FAM174A: variants seen among roughly 807,000 people sequenced by gnomAD.
FAM174A encodes family with sequence similarity 174 member A.
In FAM174A, 14 loss-of-function variants were observed where a neutral mutation model predicts 14.3. That is an observed-to-expected ratio of 0.98 (90% confidence interval 0.65 to 1.53). The LOEUF is 1.53. Ranked by LOEUF, FAM174A falls within the 40% of genes most tolerant of loss-of-function variation. The probability of loss-of-function intolerance (pLI) is 0.00; values close to 1 mark genes in which losing one functional copy is unlikely to be tolerated. For synonymous variants in FAM174A, 108 were observed against 111.4 expected (o/e 0.97, Z 0.19); for missense variants, 241 against 249.6 (o/e 0.97, Z 0.23).
At chr5:100,560,124 T>G (rs1455809332) in intron 1 of FAM174A, among the ~76,000 whole-genome samples, 1 of 152,120 alleles carries the variant, frequency 6.6e-6, no homozygotes, top group African/African-American at 2.4e-5. Context: ...AGATGGGGTT[T>G]TGGTGTGGAT....
intron 2 of FAM174A, among the ~76,000 whole-genome samples, chr5:100,580,689 C>G (rs1456801400): frequency 2.6e-5 from 4 of 152,198 alleles, no homozygotes; most frequent in Admixed American, 6.5e-5. Flanking sequence ...CAGACATACC[C>G]AGGATCAATA....
intron 1 of FAM174A, among the ~76,000 whole-genome samples, chr5:100,544,380 T>C (rs1746124462): frequency 6.7e-6 from 1 of 150,286 alleles, no homozygotes; most frequent in Non-Finnish European, 1.5e-5. Flanking sequence ...GCATTTGTAC[T>C]CCTGCATCCT....
intron 2 of FAM174A, among the ~76,000 whole-genome samples, chr5:100,566,143 T>TTG (rs1382077613): frequency 3.0e-5 from 3 of 98,512 alleles, no homozygotes; most frequent in African/African-American, 1.4e-4. Flanking sequence ...AAAAGTATGA[T>TTG]ATATATATAT....
chr5:100,581,916 G>A (rs1222355875), intron 2 of FAM174A, among the ~76,000 whole-genome samples: 2 of 152,094 alleles, frequency 1.3e-5, no homozygotes, highest in Non-Finnish European at 2.9e-5. Context: ...TATGTTTTGA[G>A]GTTAATTACG....
chr5:100,538,955 T>A (rs1025505121), intron 1 of FAM174A, among the ~76,000 whole-genome samples: 5 of 152,188 alleles, frequency 3.3e-5, no homozygotes, highest in Admixed American at 3.3e-4. Context: ...CATAGCTGAA[T>A]AATGATTCTT....
At chr5:100,583,491 GCTT>G (rs1006754883) in intron 2 of FAM174A, among the ~76,000 whole-genome samples, 29 of 152,260 alleles carry the variant, frequency 1.9e-4, no homozygotes, top group African/African-American at 6.3e-4. Context: ...TTCTGGTACA[GCTT>G]CTTCTACATC....
Position 100,535,966 on chromosome 5 carries a change from T to G in FAM174A, c.434+2T>G. ...GTACTTCGTGGTCAGGACGGTCAGG[T>G]GAGGCAAAGCCTCGGTGGGGCACCC... On this transcript the variant is annotated splice_donor_variant, in intron 1 of 2. Coordinates refer to ENST00000312637, the MANE Select transcript of FAM174A (RefSeq NM_198507.3). LOFTEE classifies it high-confidence loss of function. 6.4e-7 allele frequency: 1 copy of G among 1,568,054 alleles called. No individual in the cohort carries two copies. The highest frequency in any genetic ancestry group is 8.7e-7 in the Non-Finnish European group (1 of 1,151,640).
intron 2 of FAM174A, among the ~76,000 whole-genome samples, chr5:100,575,582 T>C (rs1746886232): frequency 6.6e-6 from 1 of 152,088 alleles, no homozygotes; most frequent in African/African-American, 2.4e-5. Flanking sequence ...ATAAAAACCC[T>C]AGAAGAAAAC....
chr5:100,544,351 C>A (rs573820912), intron 1 of FAM174A, among the ~76,000 whole-genome samples: 1 of 149,860 alleles, frequency 6.7e-6, no homozygotes, highest in East Asian at 1.9e-4. Context: ...CAAGGTCATA[C>A]CCCTGCATTT....
At chr5:100,546,423 T>G (rs1459659732) in intron 1 of FAM174A, among the ~76,000 whole-genome samples, 1 of 152,144 alleles carries the variant, frequency 6.6e-6, no homozygotes, top group African/African-American at 2.4e-5. Context: ...TGATGAACAC[T>G]AATAATATCT....
chr5:100,585,623 A>C (rs1747112880), intron 2 of FAM174A, among the ~76,000 whole-genome samples: 1 of 152,132 alleles, frequency 6.6e-6, no homozygotes, highest in Admixed American at 6.6e-5. Context: ...CATGTTGGCC[A>C]GGCTGGTGTT....
chr5:100,567,513 G>A (rs558945214), intron 2 of FAM174A, among the ~76,000 whole-genome samples: 16 of 151,622 alleles, frequency 1.1e-4, no homozygotes, highest in African/African-American at 1.9e-4. Flanking sequence ...ATATTCATGC[G>A]TTACTTTTTT....
intron 2 of FAM174A, among the ~76,000 whole-genome samples, chr5:100,584,563 A>G (rs1249956008): frequency 1.3e-5 from 2 of 152,066 alleles, no homozygotes; most frequent in African/African-American, 2.4e-5. Flanking sequence ...CCAGCTTTAG[A>G]TCTTCCACCT....
intron 2 of FAM174A, among the ~76,000 whole-genome samples, chr5:100,571,137 CATATATATGTGTGTGTAT>C: frequency 7.3e-6 from 1 of 137,700 alleles, no homozygotes; most frequent in Non-Finnish European, 1.6e-5. Context: ...TGTACATATA[CATATATATGTGTGTGTAT>C]ATATATATGT....
At chr5:100,555,071 C>T (rs1309027804) in intron 1 of FAM174A, among the ~76,000 whole-genome samples, 1 of 151,890 alleles carries the variant, frequency 6.6e-6, no homozygotes, top group African/African-American at 2.4e-5. Flanking sequence ...AATGCTATCC[C>T]TCCCCCCTAC....
At chr5:100,540,872 G>T (rs1746035187) in intron 1 of FAM174A, among the ~76,000 whole-genome samples, 1 of 152,160 alleles carries the variant, frequency 6.6e-6, no homozygotes. Flanking sequence ...CTCATGTAAT[G>T]CCACATATAG....
At position 100,572,386 on chromosome 5, in the gene FAM174A, T is replaced by G. The variant is rs1288578393; in HGVS notation, c.569+10198T>G. Among the ~76,000 whole-genome samples, 4 of 151,244 alleles carry G rather than the reference T, an allele frequency of 2.6e-5. No homozygotes were observed. The East Asian group carries it at 7.8e-4, about 29-fold the overall frequency. Reference sequence around the variant, plus strand: ...ATCTAGCATTAGGTATATCTCCCCATGCTATCCCTCCCGCCTCCCCCCACC... The same window carrying G: ...ATCTAGCATTAGGTATATCTCCCCAGGCTATCCCTCCCGCCTCCCCCCACC... On this transcript the variant is annotated intron_variant, in intron 2 of 2. Transcript: ENST00000312637.
chr5:100,571,104 G>T (rs1434755630), intron 2 of FAM174A, among the ~76,000 whole-genome samples: 1 of 151,332 alleles, frequency 6.6e-6, no homozygotes, highest in Non-Finnish European at 1.5e-5. Flanking sequence ...AAGTATTTTT[G>T]TCTGTAGTTT....
intron 2 of FAM174A, among the ~76,000 whole-genome samples, chr5:100,571,798 T>C (rs972089990): frequency 1.3e-5 from 2 of 151,534 alleles, no homozygotes; most frequent in Non-Finnish European, 1.5e-5. Context: ...AAATCTACTT[T>C]CCATTGCCAA....
Sources: allele counts gnomAD v4.1 joint callset (sites outside exome capture counted in the v4.1 genomes callset), GRCh38; gene constraint gnomAD v4.1.1; transcripts MANE v1.5; gene names NCBI Gene and HGNC (gene_info 2026-07-23, HGNC 2026-07-21).